The following UBE2D4 variants were observed in gnomAD, a reference collection of about 807,000 sequenced individuals.
The protein encoded by UBE2D4 is ubiquitin conjugating enzyme E2 D4, also known as ubiquitin-conjugating enzyme E2 D4.
Under a neutral mutation model 23.0 loss-of-function variants are expected in UBE2D4, and 17 were observed. The observed-to-expected ratio is 0.74, with a 90% CI of 0.51 to 1.11. The LOEUF is 1.11. UBE2D4 is among the 50% of genes least tolerant of loss of function. UBE2D4 has a pLI of 0.00. For synonymous variants in UBE2D4, 61 were observed against 69.4 expected, an observed-to-expected ratio of 0.88 and a Z score of 0.60; for missense variants, 139 against 181.8, an observed-to-expected ratio of 0.76 and a Z score of 1.35.
At chr7:43,931,436 C>T (rs1433130431) in intron 1 of UBE2D4, among the ~76,000 whole-genome samples, 2 of 152,114 alleles carry the variant, frequency 1.3e-5, no homozygotes, top group Middle Eastern at 3.4e-3. Flanking sequence ...AGAGTAAGAC[C>T]GTATCTTAAA....
chr7:43,942,786 G>T (rs1488214249), intron 2 of UBE2D4, 40 bp from the exon 3 acceptor site: 2 of 1,613,538 alleles, frequency 1.2e-6, no homozygotes, highest in Admixed American at 1.7e-5. Flanking sequence ...CATGTTTCTT[G>T]GGGGGTCTCT....
At chr7:43,941,455 C>T (rs1585870735) in intron 2 of UBE2D4, 1 of 152,368 alleles carries the variant, frequency 6.6e-6, no homozygotes, top group East Asian at 1.9e-4. Flanking sequence ...AGAGGGGGCT[C>T]TAAACTCTCA....
chr7:43,940,611 C>G (rs1320005186), intron 2 of UBE2D4, among the ~76,000 whole-genome samples: 1 of 152,210 alleles, frequency 6.6e-6, no homozygotes, highest in Non-Finnish European at 1.5e-5. Context: ...ACACCCGCCT[C>G]ATGGGCTCAC....
intron 6 of UBE2D4, chr7:43,952,397 T>TGGAA: frequency 2.4e-6 from 1 of 413,928 alleles, no homozygotes; most frequent in South Asian, 3.2e-5. Context: ...TATTAAATCT[T>TGGAA]CCACAGCAGA....
At chr7:43,935,536 A>G (rs2095956552) in intron 1 of UBE2D4, among the ~76,000 whole-genome samples, 1 of 152,178 alleles carries the variant, frequency 6.6e-6, no homozygotes, top group Non-Finnish European at 1.5e-5. Context: ...CATAAGCAAT[A>G]TAAAGGGCCC....
intron 1 of UBE2D4, among the ~76,000 whole-genome samples, chr7:43,929,425 T>TA (rs567859682): frequency 0.078 from 9,692 of 123,778 alleles, 484 homozygotes; most frequent in African/African-American, 0.14. Context: ...GACTCTGTCT[T>TA]AAAAAAAAAA....
chr7:43,943,234 G>A (rs970524827), intron 4 of UBE2D4: 2 of 614,144 alleles, frequency 3.3e-6, no homozygotes, highest in African/African-American at 3.7e-5. Context: ...GGTCAGTGGG[G>A]TGAGCTGGTG....
intron 1 of UBE2D4, among the ~76,000 whole-genome samples, chr7:43,932,949 A>T (rs1244332490): frequency 6.9e-6 from 1 of 144,604 alleles, no homozygotes; most frequent in Admixed American, 7.0e-5. Flanking sequence ...AATGTGTGCC[A>T]TCCAGTTCCC....
chr7:43,950,785 G>C, intron 6 of UBE2D4, 93 bp downstream of exon 6: 1 of 1,023,350 alleles, frequency 9.8e-7, no homozygotes, highest in South Asian at 1.3e-5. Context: ...CTAGGCTGCA[G>C]GTTCCCACAG....
intron 1 of UBE2D4, among the ~76,000 whole-genome samples, chr7:43,933,020 A>G (rs2132756219): frequency 7.1e-6 from 1 of 141,652 alleles, no homozygotes; most frequent in Non-Finnish European, 1.5e-5. Flanking sequence ...ATATACACAC[A>G]CATATATATA....
At chr7:43,931,523 C>T (rs553057956) in intron 1 of UBE2D4, among the ~76,000 whole-genome samples, 12 of 149,752 alleles carry the variant, frequency 8.0e-5, no homozygotes, top group African/African-American at 2.2e-4. Context: ...CTCACAGTTC[C>T]GCAGGCTGTA....
intron 1 of UBE2D4, among the ~76,000 whole-genome samples, chr7:43,927,846 G>C (rs766676130): frequency 5.9e-5 from 9 of 152,202 alleles, no homozygotes; most frequent in Non-Finnish European, 8.8e-5. Flanking sequence ...CATGCTTGCT[G>C]TATACCAAAC....
Position 43,942,940 on chromosome 7 carries a change from T to G in UBE2D4, c.121-14T>G. ...GCACATGCACTGATCTCTTTCTGTG[T>G]CTCATCCTTCCAGAATGACAGTCCT... On this transcript the variant is annotated splice_polypyrimidine_tract_variant and intron_variant, in intron 3 of 6. Coordinates refer to ENST00000222402, the MANE Select transcript of UBE2D4 (RefSeq NM_015983.4). The G allele has an allele frequency of 3.7e-6, 6 of 1,614,208 alleles. No individual in the cohort carries two copies. Among genetic ancestry groups the G allele is most frequent in the Non-Finnish European group, 5.1e-6 (6 of 1,180,038 alleles).
At chr7:43,949,065 C>G (rs780061817) in intron 5 of UBE2D4, 9 of 405,946 alleles carry the variant, frequency 2.2e-5, no homozygotes, top group Non-Finnish European at 3.9e-5. Context: ...CTTCTCTGTT[C>G]CCTCATTTAT....
In UBE2D4 at chr7:43,953,020, C is replaced by A. The variant is rs537676784; in HGVS notation, c.*325C>A. 191 of 410,232 alleles carry A rather than the reference C, an allele frequency of 4.7e-4. 4 individuals carry two copies. The highest frequency in any genetic ancestry group is 2.9e-3 in the South Asian group (155 of 53,258). The allele number at this position is 410,232 out of a possible 1,614,324, so 25.4% of individuals were successfully genotyped here. A position where few individuals can be genotyped will look rare whatever the true frequency, so the allele number is the denominator to read the frequency against. On this transcript the variant is annotated 3_prime_UTR_variant, in exon 7 of 7. Coordinates refer to ENST00000222402, the MANE Select transcript of UBE2D4 (RefSeq NM_015983.4). ...GCCAGGCCCTGCACGTCTCTCCTAC[C>A]CGGCCTCAAATGGTGCTGCTGCCCA...
intron 2 of UBE2D4, 84 bp downstream of exon 2, chr7:43,938,578 G>A (rs547404049): frequency 5.8e-6 from 8 of 1,376,976 alleles, no homozygotes; most frequent in South Asian, 4.7e-5. Flanking sequence ...GCTCACGCCT[G>A]TAATCCCAAC....
intron 1 of UBE2D4, among the ~76,000 whole-genome samples, chr7:43,937,624 C>G (rs1416753506): frequency 6.6e-6 from 1 of 152,180 alleles, no homozygotes; most frequent in Non-Finnish European, 1.5e-5. Flanking sequence ...TTGCTGGCTT[C>G]TGTGATGTTA....
chr7:43,935,489 T>G (rs1339480352), intron 1 of UBE2D4, among the ~76,000 whole-genome samples: 2 of 152,198 alleles, frequency 1.3e-5, no homozygotes, highest in African/African-American at 2.4e-5. Context: ...ACATATTTTT[T>G]TTTTTGGAAA....
chr7:43,928,324 C>T (rs1412956691), intron 1 of UBE2D4, among the ~76,000 whole-genome samples: 1 of 152,078 alleles, frequency 6.6e-6, no homozygotes, highest in Non-Finnish European at 1.5e-5. Context: ...ATATCCAAAC[C>T]AGATCAACCA....
Sources: gnomAD v4.1 joint callset for allele counts (sites outside exome capture counted in the v4.1 genomes callset) on GRCh38, gnomAD v4.1.1 for gene constraint, MANE v1.5 for transcripts, NCBI Gene and HGNC (gene_info 2026-07-23, HGNC 2026-07-21) for gene names.